AFAP1L2: variants seen among roughly 807,000 people sequenced by gnomAD.
AFAP1L2 encodes the protein actin filament-associated protein 1-like 2.
In AFAP1L2, 46 loss-of-function variants were observed where a neutral mutation model predicts 99.3. That is an observed-to-expected ratio of 0.46 (90% CI 0.37 to 0.59). AFAP1L2 has a LOEUF of 0.59. Ranked by LOEUF, AFAP1L2 falls within the 20% of genes least tolerant of loss-of-function variation. The pLI is 0.00. For synonymous variants in AFAP1L2, 397 were observed against 419.1 expected, an observed-to-expected ratio of 0.95 and a Z score of 0.64; for missense variants, 959 against 1,034.9, an observed-to-expected ratio of 0.93 and a Z score of 1.01.
At chr10:114,355,577 C>T (rs555333752) in intron 1 of AFAP1L2, among the ~76,000 whole-genome samples, 218 of 151,984 alleles carry the variant, frequency 1.4e-3, no homozygotes, top group African/African-American at 5.0e-3. Flanking sequence ...CTGAGTTTTG[C>T]TGTGAACTTA....
intron 4 of AFAP1L2, among the ~76,000 whole-genome samples, chr10:114,323,580 C>T (rs2045732166): frequency 6.6e-6 from 1 of 152,182 alleles, no homozygotes; most frequent in South Asian, 2.1e-4. Context: ...ATGCACTTAG[C>T]AGTCCAGAGA....
chr10:114,341,174 T>TCCATTTAC (rs1437043698), intron 1 of AFAP1L2, among the ~76,000 whole-genome samples: 1 of 152,252 alleles, frequency 6.6e-6, no homozygotes, highest in East Asian at 1.9e-4. Flanking sequence ...TCCGGGTGGC[T>TCCATTTAC]TTGGGCCCAT....
chr10:114,295,907 T>G lies in AFAP1L2; in HGVS notation c.*135A>C. ...GACAGAGCCTCCTCTTAGCTGAAGC[T>G]CTCCATTCACAGTACCTCAGTCTTT... On this transcript the variant is annotated 3_prime_UTR_variant, in exon 19 of 19. Transcript: ENST00000304129. 6.4e-7 allele frequency: 1 copy of G among 1,560,590 alleles called. No homozygotes were observed. The highest frequency in any genetic ancestry group is 1.8e-5 in the Admixed American group (1 of 54,268).
chr10:114,289,776 A>C, the AFAP1L2 span: 1 of 461,714 alleles, frequency 2.2e-6, no homozygotes. Flanking sequence ...GAATATCCAC[A>C]AGCTTCCTAA....
chr10:114,317,337 A>G (rs1235621027), intron 5 of AFAP1L2, among the ~76,000 whole-genome samples: 1 of 152,246 alleles, frequency 6.6e-6, no homozygotes. Context: ...TACTTCTCTT[A>G]ATGGCTTAAT....
chr10:114,354,265 T>C (rs1013981655), intron 1 of AFAP1L2, among the ~76,000 whole-genome samples: 6 of 152,162 alleles, frequency 3.9e-5, no homozygotes, highest in African/African-American at 1.4e-4. Flanking sequence ...AATTTTAGTA[T>C]AGCAGGTGGT....
At chr10:114,396,700 A>G (rs1405459830) in intron 1 of AFAP1L2, among the ~76,000 whole-genome samples, 1 of 152,234 alleles carries the variant, frequency 6.6e-6, no homozygotes, top group East Asian at 1.9e-4. Context: ...AAGCCAGTAC[A>G]TTAGATCCAT....
rs2043035687 is a variant in AFAP1L2, at chr10:114,310,334, C to T, written c.882+20G>A. ...AAAACATGGAAGGGGACTCTCCCTCCAGGCAGGGCAGAGGCTTACTTTCTG... is the reference window on the plus strand; with the variant it reads ...AAAACATGGAAGGGGACTCTCCCTCTAGGCAGGGCAGAGGCTTACTTTCTG... On this transcript the variant is annotated intron_variant, in intron 8 of 18. Coordinates refer to ENST00000304129, the MANE Select transcript of AFAP1L2 (RefSeq NM_001001936.3). The T allele has an allele frequency of 6.3e-7, 1 of 1,593,072 alleles. No homozygotes were observed. The highest frequency in any genetic ancestry group is 1.9e-5 in the Admixed American group (1 of 53,646).
rs1277616367 is a variant in AFAP1L2, at chr10:114,300,715, C to T, written c.1543-25G>A. ...CCTGCAGGAGAGAGTGAGTCTGGGG[C>T]ATTCAACATTACCTCTACTCCCTCA... On this transcript the variant is annotated intron_variant, in intron 13 of 18. Coordinates refer to ENST00000304129, the MANE Select transcript of AFAP1L2 (RefSeq NM_001001936.3). 12 of 1,560,344 alleles carry T rather than the reference C, an allele frequency of 7.7e-6. No individual in the cohort carries two copies. In the African/African-American group the frequency reaches 1.6e-4, roughly 21 times the overall value.
At chr10:114,363,876 C>T (rs941304720) in intron 1 of AFAP1L2, among the ~76,000 whole-genome samples, 1 of 152,168 alleles carries the variant, frequency 6.6e-6, no homozygotes, top group Non-Finnish European at 1.5e-5. Flanking sequence ...CCCCATTTTA[C>T]AGATGGGAAA....
intron 10 of AFAP1L2, 139 bp downstream of exon 10, chr10:114,307,666 T>C (rs1447790843): frequency 4.4e-6 from 3 of 680,996 alleles, no homozygotes; most frequent in Non-Finnish European, 7.7e-6. Flanking sequence ...GACGGGAACC[T>C]GAGGGCTGCA....
In AFAP1L2 at chr10:114,301,479, G is replaced by A. The variant is rs755322937; in HGVS notation, c.1431-14C>T. 1.0e-5 allele frequency: 16 copies of A among 1,586,602 alleles called. No individual in the cohort carries two copies. Among genetic ancestry groups the A allele is most frequent in the Admixed American group, 5.0e-5 (3 of 60,000 alleles). ...CTCTGCATCAGTCTGGAAACAGGGC[G>A]AGGTGGCACACATGAAGCAGCCGGG... On this transcript the variant is annotated splice_polypyrimidine_tract_variant and intron_variant, in intron 12 of 18. Coordinates refer to ENST00000304129, the MANE Select transcript of AFAP1L2 (RefSeq NM_001001936.3).
downstream of AFAP1L2, among the ~76,000 whole-genome samples, chr10:114,293,663 G>A (rs2039808800): frequency 6.6e-6 from 1 of 152,002 alleles, no homozygotes; most frequent in South Asian, 2.1e-4. Flanking sequence ...TATTTTCCTT[G>A]CAATAATTAA....
At chr10:114,289,541 C>G in the AFAP1L2 span, 8 of 1,595,980 alleles carry the variant, frequency 5.0e-6, no homozygotes, top group Admixed American at 3.3e-5. Flanking sequence ...AGGCCCTCAG[C>G]CTGAGCCTTC....
chr10:114,360,836 G>C (rs6585274), intron 1 of AFAP1L2, among the ~76,000 whole-genome samples: 14,750 of 152,136 alleles, frequency 0.097, 1,863 homozygotes, highest in African/African-American at 0.29. Flanking sequence ...GGGGTTGAGG[G>C]TCAGAAGTTC....
chr10:114,311,153 G>T (rs2043182848), intron 7 of AFAP1L2, among the ~76,000 whole-genome samples: 3 of 152,174 alleles, frequency 2.0e-5, no homozygotes, highest in Admixed American at 2.0e-4. Context: ...AGGGAGGCTG[G>T]GTCCGGAAAA....
At chr10:114,308,863 T>C (rs551187716) in intron 8 of AFAP1L2, among the ~76,000 whole-genome samples, 1 of 152,356 alleles carries the variant, frequency 6.6e-6, no homozygotes, top group South Asian at 2.1e-4. Context: ...CTGACTGTTC[T>C]AGCAATGTGA....
chr10:114,359,073 A>G (rs1343253264), intron 1 of AFAP1L2, among the ~76,000 whole-genome samples: 1 of 152,236 alleles, frequency 6.6e-6, no homozygotes, highest in East Asian at 1.9e-4. Flanking sequence ...TCCTCTGAGA[A>G]CAAACAGTAA....
chr10:114,352,484 A>AAC (rs1372667621), intron 1 of AFAP1L2, among the ~76,000 whole-genome samples: 1 of 149,112 alleles, frequency 6.7e-6, no homozygotes. Context: ...CAAATTAAAA[A>AAC]AAAAAAAAAA....
Sources: gnomAD v4.1 joint callset for allele counts (sites outside exome capture counted in the v4.1 genomes callset) on GRCh38, gnomAD v4.1.1 for gene constraint, MANE v1.5 for transcripts, NCBI Gene and HGNC (gene_info 2026-07-23, HGNC 2026-07-21) for gene names.